Variants in CPPED1 observed in about 807,000 individuals in gnomAD.
CPPED1 encodes the protein calcineurin like phosphoesterase domain containing 1, also known as serine/threonine-protein phosphatase CPPED1.
CPPED1 carries 28 observed loss-of-function variants against 28.0 expected under a neutral mutation model. That is an observed-to-expected ratio of 1.00 (90% CI 0.74 to 1.37). The LOEUF (loss-of-function observed/expected upper bound fraction) is 1.37. Among genes scored for constraint, CPPED1 ranks in the 40% most tolerant of loss-of-function variants. The pLI is 0.00. For synonymous variants in CPPED1, 198 were observed against 180.2 expected (o/e 1.10, Z -0.79); for missense variants, 504 against 416.5 (o/e 1.21, Z -1.83).
intron 2 of CPPED1, among the ~76,000 whole-genome samples, chr16:12,747,998 C>A (rs1330515919): frequency 1.3e-5 from 2 of 152,174 alleles, no homozygotes; most frequent in Non-Finnish European, 2.9e-5. Context: ...AGCCCAACAA[C>A]TGAAAGTGTC....
At chr16:12,732,475 A>AAC (rs199927875) in intron 2 of CPPED1, among the ~76,000 whole-genome samples, 20 of 142,432 alleles carry the variant, frequency 1.4e-4, no homozygotes, top group African/African-American at 3.5e-4. Context: ...CAAACACACA[A>AAC]ACACACACAC....
chr16:12,732,494 G>GGA (rs35298221), intron 2 of CPPED1, among the ~76,000 whole-genome samples: 758 of 145,408 alleles, frequency 5.2e-3, no homozygotes, highest in Non-Finnish European at 8.7e-3. Context: ...ACACACAGAT[G>GGA]GAGAGAGAGA....
intron 2 of CPPED1, among the ~76,000 whole-genome samples, chr16:12,778,140 C>T (rs1445312810): frequency 1.3e-5 from 2 of 151,836 alleles, no homozygotes; most frequent in African/African-American, 4.8e-5. Context: ...GAACTCCTGA[C>T]CTCAAGTGAT....
rs370257644 is a variant in CPPED1 at position 12,704,934 on chromosome 16, C to A, written c.405G>T (p.Thr135=). ...GGCAGAACTCCTCGACGGTCTCGGC[C>A]GTGGGGGTGTTGCCAATGTCATGGT... The part of the protein sequence containing the change: ...SGNHDIGNTP[T]AETVEEFCRT... The change falls in exon 3 of 4, where the codon ACG becomes ACT. Residue 135 remains threonine (T), a synonymous_variant. Coordinates refer to ENST00000381774, the MANE Select transcript of CPPED1 (RefSeq NM_018340.3). 1 of 1,614,132 alleles carries A rather than the reference C, an allele frequency of 6.2e-7. No individual in the cohort carries two copies. The highest frequency in any genetic ancestry group is 1.1e-5 in the South Asian group (1 of 91,068).
intron 2 of CPPED1, among the ~76,000 whole-genome samples, chr16:12,742,513 T>A (rs752751709): frequency 2.6e-5 from 4 of 152,154 alleles, no homozygotes; most frequent in Non-Finnish European, 5.9e-5. Context: ...CTCAAAAGAG[T>A]TACCGCTGAA....
chr16:12,737,051 GC>G (rs2080230343), intron 2 of CPPED1, among the ~76,000 whole-genome samples: 1 of 152,066 alleles, frequency 6.6e-6, no homozygotes, highest in African/African-American at 2.4e-5. Flanking sequence ...TTAGCTGGGT[GC>G]GATGGCGCAC....
At chr16:12,706,458 C>CCCTT (rs150569980) in intron 2 of CPPED1, among the ~76,000 whole-genome samples, 21,862 of 148,190 alleles carry the variant, frequency 0.15, 1,865 homozygotes, top group East Asian at 0.2. Flanking sequence ...CTGCCTCTCT[C>CCCTT]CCTTCCTTCC....
At chr16:12,735,022 C>G (rs1393498620) in intron 2 of CPPED1, among the ~76,000 whole-genome samples, 1 of 152,244 alleles carries the variant, frequency 6.6e-6, no homozygotes, top group African/African-American at 2.4e-5. Context: ...AGGGTGAACC[C>G]CACCAACAGG....
In CPPED1 at chr16:12,725,008, G is replaced by C. The variant is rs139674614; in HGVS notation, c.290-19959C>G. Among the ~76,000 whole-genome samples the C allele has an allele frequency of 8.2e-3, 1,240 of 152,096 alleles. 24 individuals carry two copies. The highest frequency in any genetic ancestry group is 0.028 in the African/African-American group (1,149 of 41,470). Reference sequence around the variant, plus strand: ...GCACTGTGTTAGCCAGGATAGTCTCGATCTCCTGACCTCGTGATCCACCTG... The same window carrying C: ...GCACTGTGTTAGCCAGGATAGTCTCCATCTCCTGACCTCGTGATCCACCTG... On this transcript the variant is annotated intron_variant, in intron 2 of 3. Coordinates refer to ENST00000381774, the MANE Select transcript of CPPED1 (RefSeq NM_018340.3).
chr16:12,784,937 CA>C (rs1187621429), intron 1 of CPPED1, among the ~76,000 whole-genome samples: 2 of 151,894 alleles, frequency 1.3e-5, no homozygotes, highest in Non-Finnish European at 2.9e-5. Flanking sequence ...TTTTATGTGA[CA>C]AAGTACAAAA....
intron 1 of CPPED1, among the ~76,000 whole-genome samples, chr16:12,791,503 C>A (rs1204882148): frequency 6.6e-6 from 1 of 152,146 alleles, no homozygotes; most frequent in Non-Finnish European, 1.5e-5. Flanking sequence ...ATCTTAAGAT[C>A]ATGTGTCATC....
chr16:12,754,960 G>C (rs1377527885), intron 2 of CPPED1, among the ~76,000 whole-genome samples: 2 of 152,146 alleles, frequency 1.3e-5, no homozygotes, highest in African/African-American at 4.8e-5. Context: ...GTAGTGAGCC[G>C]TGACTACAGC....
At chr16:12,763,936 CT>C (rs2080424400) in intron 2 of CPPED1, among the ~76,000 whole-genome samples, 3 of 145,126 alleles carry the variant, frequency 2.1e-5, no homozygotes, top group Non-Finnish European at 4.5e-5. Context: ...ATTTTGTCCA[CT>C]GAAAAAAGTG....
In CPPED1 at chr16:12,709,178, T is replaced by C. The variant is rs2080066918; in HGVS notation, c.290-4129A>G. The stretch of plus-strand genomic sequence containing the variant: ...GAAACCTGCCCAAGGACACAGAGCT[T>C]CAATGAGTTTCCTGTCTCACGCAGG... On this transcript the variant is annotated intron_variant, in intron 2 of 3. Transcript: ENST00000381774. This position sits in a 1 kb window ranked among gnomAD's most constrained non-coding sequence, Gnocchi z 4.4. 6.6e-6 allele frequency among the ~76,000 whole-genome samples: 1 copy of C among 152,106 alleles called. No individual in the cohort carries two copies. Among genetic ancestry groups the C allele is most frequent in the African/African-American group, 2.4e-5 (1 of 41,396 alleles).
chr16:12,729,090 C>G (rs1816541244), intron 2 of CPPED1, among the ~76,000 whole-genome samples: 1 of 152,100 alleles, frequency 6.6e-6, no homozygotes, highest in South Asian at 2.1e-4. Flanking sequence ...CATCTCTGTG[C>G]TGGAGGAAGC....
intron 2 of CPPED1, among the ~76,000 whole-genome samples, chr16:12,737,336 G>T (rs931092827): frequency 2.0e-5 from 3 of 152,182 alleles, no homozygotes; most frequent in African/African-American, 7.2e-5. Flanking sequence ...GAGAAGAAGG[G>T]AGAGCAGGCA....
intron 2 of CPPED1, among the ~76,000 whole-genome samples, chr16:12,705,864 C>T (rs894672648): frequency 2.6e-5 from 4 of 152,202 alleles, no homozygotes; most frequent in Non-Finnish European, 5.9e-5. Context: ...CTCAATCAAA[C>T]TCATTAATGG....
At chr16:12,756,936 C>T (rs1231348256) in intron 2 of CPPED1, among the ~76,000 whole-genome samples, 1 of 152,192 alleles carries the variant, frequency 6.6e-6, no homozygotes, top group Non-Finnish European at 1.5e-5. Context: ...CAACAACTTT[C>T]CACATCTTAC....
chr16:12,707,775 T>C (rs1006546420), intron 2 of CPPED1, among the ~76,000 whole-genome samples: 2 of 152,108 alleles, frequency 1.3e-5, no homozygotes, highest in Non-Finnish European at 2.9e-5. Context: ...ATGCTGCTTT[T>C]GGGGAAACCA....
Sources: allele counts gnomAD v4.1 joint callset (sites outside exome capture counted in the v4.1 genomes callset), GRCh38; gene constraint gnomAD v4.1.1; non-coding constraint Gnocchi (gnomAD v3.1); transcripts MANE v1.5; gene names NCBI Gene and HGNC (gene_info 2026-07-23, HGNC 2026-07-21).